DICER1: variants seen among roughly 807,000 people sequenced by gnomAD.
DICER1 encodes the protein dicer 1, ribonuclease III.
DICER1 carries 43 observed loss-of-function variants against 194.1 expected under a neutral mutation model. The ratio of observed to expected loss-of-function variants is 0.22; its 90% CI spans 0.17 to 0.29. The LOEUF (loss-of-function observed/expected upper bound fraction) is 0.29. DICER1 is among the 10% of genes least tolerant of loss of function. DICER1 has a pLI of 1.00. For missense variants in DICER1, 1,608 were observed against 2,317.0 expected (o/e 0.69, Z 6.28); for synonymous variants, 832 against 820.5 (o/e 1.01, Z -0.24).
rs777839118 is a variant in DICER1, at chr14:95,130,153, T to C, written c.478A>G (p.Lys160Glu). The change falls in exon 5 of 27, where the codon AAA (lysine) becomes GAA (glutamate). Residue 160 changes from lysine to glutamate, a missense_variant. By Grantham distance (56) the Lys-to-Glu change is moderately conservative. Around this residue, in one of 10 missense-constraint regions of DICER1, gnomAD observed 657 missense variants for 910.1 expected, o/e 0.72. Coordinates refer to ENST00000343455, the MANE Select transcript of DICER1 (RefSeq NM_177438.3). ...MTCYVALNVL[K>E]NGYLSLSDIN... is the part of the protein sequence containing the mutation. ...TCTGACAGTGATAAGTAACCATTTT[T>C]CAAAACATTCAAGGCGACATAGCAA... The C allele has an allele frequency of 6.2e-7, 1 of 1,613,310 alleles. No individual in the cohort carries two copies. Among genetic ancestry groups the C allele is most frequent in the South Asian group, 1.1e-5 (1 of 91,054 alleles).
Position 95,096,303 on chromosome 14 carries a change from C to T in DICER1, c.4617G>A (p.Thr1539=), listed in dbSNP as rs772583811. ...NPSEENCGVD[T]GKQSISYDLH... ...AGTCGTAAGAAATGGACTGCTTTCC[C>T]GTGTCAACACCACAGTTTTCTTCTG... The change falls in exon 23 of 27, where the codon ACG becomes ACA. Residue 1539 remains threonine, a synonymous_variant. Coordinates refer to ENST00000343455, the MANE Select transcript of DICER1 (RefSeq NM_177438.3). 2 of 1,614,184 alleles carry T rather than the reference C, an allele frequency of 1.2e-6. No homozygotes were observed. The highest frequency in any genetic ancestry group is 1.7e-5 in the Admixed American group (1 of 60,020).
At chr14:95,155,246 C>T (rs745548448) in intron 1 of DICER1, among the ~76,000 whole-genome samples, 5 of 152,194 alleles carry the variant, frequency 3.3e-5, no homozygotes, top group African/African-American at 4.8e-5. Flanking sequence ...CTCAATAACA[C>T]GTTTCCCTTA....
chr14:95,090,992 G>GT, intron 26 of DICER1, 42 bp downstream of exon 26: 1 of 1,545,876 alleles, frequency 6.5e-7, no homozygotes, highest in Non-Finnish European at 8.9e-7. Context: ...CCCCTTTGAT[G>GT]TTTTTAAGTT....
intron 1 of DICER1, among the ~76,000 whole-genome samples, chr14:95,150,485 T>TAAC (rs898884162): frequency 2.0e-5 from 3 of 152,126 alleles, no homozygotes; most frequent in African/African-American, 7.2e-5. Context: ...GACTCAGCAT[T>TAAC]AACAACAACA....
intron 24 of DICER1, among the ~76,000 whole-genome samples, chr14:95,091,837 G>GAAATTAT (rs1293503245): frequency 2.0e-5 from 3 of 152,130 alleles, no homozygotes; most frequent in African/African-American, 7.2e-5. Context: ...GGGAAATAGG[G>GAAATTAT]AAATTATATT....
At position 95,096,513 on chromosome 14, in the gene DICER1, A is replaced by G. The variant is rs540502223; in HGVS notation, c.4407T>C (p.Leu1469=). The change falls in exon 23 of 27, where the codon CTT becomes CTC. Residue 1469 remains leucine, a synonymous_variant. Coordinates refer to ENST00000343455, the MANE Select transcript of DICER1 (RefSeq NM_177438.3). ...CAGAATCAGTGGTTGAAAAAGGAGA[A>G]AGAGAGATTTTCTTTACAAAAGCTC... ...GSGAFVKKIS[L]SPFSTTDSAY... is the part of the protein sequence containing the mutation. 379 of 1,614,130 alleles carry G rather than the reference A, an allele frequency of 2.3e-4. 8 individuals carry two copies. In the South Asian group the frequency reaches 3.8e-3, roughly 16 times the overall value.
In DICER1 at chr14:95,113,272, A is replaced by C. The variant is rs778418274; in HGVS notation, c.1908-48T>G. 5.7e-6 allele frequency: 9 copies of C among 1,571,850 alleles called. No individual in the cohort carries two copies. The South Asian group carries it at 8.9e-5, about 15-fold the overall frequency. On this transcript the variant is annotated intron_variant, in intron 11 of 26. Transcript: ENST00000343455. ...AGGCTGAATCTACAACTGAGAAAATATTGATATTTATAACCTCGAGTTTGA... is the reference window on the plus strand; with the variant it reads ...AGGCTGAATCTACAACTGAGAAAATCTTGATATTTATAACCTCGAGTTTGA...
At chr14:95,122,478 G>A (rs1408438830) in intron 8 of DICER1, among the ~76,000 whole-genome samples, 1 of 152,020 alleles carries the variant, frequency 6.6e-6, no homozygotes, top group South Asian at 2.1e-4. Context: ...CCTTAGTCAC[G>A]CTCTCCCAGG....
intron 5 of DICER1, 128 bp from the exon 6 acceptor site, chr14:95,129,760 G>C: frequency 4.5e-6 from 4 of 896,258 alleles, no homozygotes; most frequent in Non-Finnish European, 6.9e-6. Flanking sequence ...TGGTGGAAAT[G>C]CCACTATACC....
intron 5 of DICER1, 57 bp downstream of exon 5, chr14:95,130,001 A>G: frequency 6.4e-7 from 1 of 1,554,696 alleles, no homozygotes; most frequent in South Asian, 1.1e-5. Flanking sequence ...AAAAACAAAA[A>G]TCTGCATTTA....
rs1889501090 is a variant in DICER1, at chr14:95,088,297, C to T, written c.*2201G>A. 4.3e-6 allele frequency: 1 copy of T among 231,900 alleles called. No individual in the cohort carries two copies. Among genetic ancestry groups the T allele is most frequent in the African/African-American group, 2.2e-5 (1 of 45,202 alleles). 14.4% of individuals were successfully genotyped at this position (231,900 alleles called of 1,614,324 possible). On this transcript the variant is annotated 3_prime_UTR_variant, in exon 27 of 27. Coordinates refer to ENST00000343455, the MANE Select transcript of DICER1 (RefSeq NM_177438.3). Reference sequence around the variant, plus strand: ...CAAATATATTGAGGCATTTTTCTCCCACTGGGAATCATAACTGTGAAAACA... The same window carrying T: ...CAAATATATTGAGGCATTTTTCTCCTACTGGGAATCATAACTGTGAAAACA...
chr14:95,087,885 T>A lies in DICER1; in HGVS notation c.*2613A>T, dbSNP rs558771191. ...ACATTGCAATCACAGGAACACAGGGTGGCACACAGGGCTCTAAAGTGGGGC... is the reference window on the plus strand; with the variant it reads ...ACATTGCAATCACAGGAACACAGGGAGGCACACAGGGCTCTAAAGTGGGGC... On this transcript the variant is annotated 3_prime_UTR_variant, in exon 27 of 27. Transcript: ENST00000343455. 4.3e-6 allele frequency: 1 copy of A among 233,090 alleles called. No homozygotes were observed. The highest frequency in any genetic ancestry group is 1.8e-4 in the South Asian group (1 of 5,530). 14.4% of individuals were successfully genotyped at this position (233,090 alleles called of 1,614,324 possible). A position where few individuals can be genotyped will look rare whatever the true frequency, so the allele number is the denominator to read the frequency against.
intron 1 of DICER1, 81 bp from the exon 2 acceptor site, chr14:95,133,584 G>T: frequency 1.9e-6 from 2 of 1,045,064 alleles, no homozygotes; most frequent in Non-Finnish European, 2.9e-6. Flanking sequence ...AGAAACATCA[G>T]AATATCATTC....
rs770842365 is a variant in DICER1 at position 95,129,623 on chromosome 14, T to G, written c.583A>C (p.Asn195His). 6.2e-7 allele frequency: 1 copy of G among 1,611,674 alleles called. No homozygotes were observed. The highest frequency in any genetic ancestry group is 8.5e-7 in the Non-Finnish European group (1 of 1,179,798). ...PYREIMKLCE[N>H]CPSCPRILGL... ...AAAATGCGAGGACATGATGGACAAT[T>G]TTCACAGAGCTAACATAATAAAAGA... is the stretch of plus-strand genomic sequence containing the variant. Residue 195 changes from asparagine to histidine, a missense_variant, in exon 6 of 27, where the codon AAT becomes CAT. Asn to His is a moderately conservative substitution (Grantham distance 68). Around this residue, in one of 10 missense-constraint regions of DICER1, gnomAD observed 657 missense variants for 910.1 expected, o/e 0.72. Coordinates refer to ENST00000343455, the MANE Select transcript of DICER1 (RefSeq NM_177438.3).
intron 8 of DICER1, among the ~76,000 whole-genome samples, chr14:95,122,852 G>A (rs1292753195): frequency 4.6e-5 from 7 of 151,942 alleles, no homozygotes; most frequent in Non-Finnish European, 8.8e-5. Context: ...GATGACCCTC[G>A]AGTCCAATTT....
At chr14:95,122,827 T>G (rs959498902) in intron 8 of DICER1, among the ~76,000 whole-genome samples, 2 of 152,190 alleles carry the variant, frequency 1.3e-5, no homozygotes, top group Non-Finnish European at 2.9e-5. Context: ...ATTACCAGAC[T>G]AAAAACTGCC....
In DICER1 at chr14:95,086,547, T is replaced by C. The variant is rs965864520; in HGVS notation, c.*3951A>G. 4.3e-6 allele frequency: 1 copy of C among 233,254 alleles called. No homozygotes were observed. The highest frequency in any genetic ancestry group is 8.5e-6 in the Non-Finnish European group (1 of 117,894). The allele number at this position is 233,254 out of a possible 1,614,324, so 14.4% of individuals were successfully genotyped here. A position where few individuals can be genotyped will look rare whatever the true frequency, so the allele number is the denominator to read the frequency against. On this transcript the variant is annotated 3_prime_UTR_variant, in exon 27 of 27. Coordinates refer to ENST00000343455, the MANE Select transcript of DICER1 (RefSeq NM_177438.3). ...ACCTGCTGCTGCAGTGAATTCTTAG[T>C]GCATCTATAAAATTTAAATTGTCTG...
At position 95,105,921 on chromosome 14, in the gene DICER1, CATCTCCT is replaced by C; in HGVS notation, c.2987+113_2987+119del. On this transcript the variant is annotated intron_variant, in intron 18 of 26. Transcript: ENST00000343455. This position sits in a 1 kb window ranked among gnomAD's most constrained non-coding sequence, Gnocchi z 4.9. ...CCCTTGGGCAAGTTTGTGTGCAAAG[CATCTCCT>C]GATTTCAGATAGTCCACGGGTGGGC... 1 of 1,407,602 alleles carries C rather than the reference CATCTCCT, an allele frequency of 7.1e-7. No homozygotes were observed. The highest frequency in any genetic ancestry group is 1.0e-6 in the Non-Finnish European group (1 of 992,834). The allele number at this position is 1,407,602 out of a possible 1,614,324, so 87.2% of individuals were successfully genotyped here.
rs553975808 is a variant in DICER1 at position 95,129,480 on chromosome 14, G to A, written c.726C>T (p.Val242=). 1.2e-6 allele frequency: 2 copies of A among 1,613,506 alleles called. No homozygotes were observed. The highest frequency in any genetic ancestry group is 2.2e-5 in the South Asian group (2 of 91,048). Residue 242 remains valine (V), a synonymous_variant, in exon 6 of 27, where the codon GTC becomes GTT. Coordinates refer to ENST00000343455, the MANE Select transcript of DICER1 (RefSeq NM_177438.3). The part of the protein sequence containing the change: ...SNAETATDLV[V]LDRYTSQPCE... Reference sequence around the variant, plus strand: ...CAATCAGAAGTGCATACCTGTCTAAGACCACCAGGTCAGTTGCAGTTTCAG... The same window carrying A: ...CAATCAGAAGTGCATACCTGTCTAAAACCACCAGGTCAGTTGCAGTTTCAG...
Sources: gnomAD v4.1 joint callset for allele counts (sites outside exome capture counted in the v4.1 genomes callset) on GRCh38, gnomAD v4.1.1 for gene constraint, gnomAD v4.1.1 regional missense constraint, Gnocchi (gnomAD v3.1) non-coding constraint, MANE v1.5 for transcripts, NCBI Gene and HGNC (gene_info 2026-07-23, HGNC 2026-07-21) for gene names.